Variants in CCDC179 observed in about 807,000 individuals in gnomAD.
CCDC179 encodes coiled-coil domain containing 179.
Under a neutral mutation model 12.0 loss-of-function variants are expected in CCDC179, and 17 were observed. That is an observed-to-expected ratio of 1.42 (90% confidence interval 0.97 to 2.13). The LOEUF (loss-of-function observed/expected upper bound fraction) is 2.13, where lower values mean the gene tolerates loss of function less well. Ranked by LOEUF, CCDC179 falls within the 30% of genes most tolerant of loss-of-function variation. CCDC179 has a pLI of 0.00. For missense variants in CCDC179, 83 were observed against 78.6 expected (o/e 1.06, Z -0.21); for synonymous variants, 27 against 26.4 (o/e 1.02, Z -0.07).
At chr11:22,851,203 A>G (rs1858394272) in intron 3 of CCDC179, among the ~76,000 whole-genome samples, 1 of 151,556 alleles carries the variant, frequency 6.6e-6, no homozygotes, top group South Asian at 2.1e-4. Flanking sequence ...TAGTTAAGGC[A>G]AAACAATAAC....
At chr11:22,851,086 C>T (rs534947117) in intron 3 of CCDC179, among the ~76,000 whole-genome samples, 32 of 145,386 alleles carry the variant, frequency 2.2e-4, no homozygotes, top group Non-Finnish European at 2.8e-4. Flanking sequence ...CCCAGGTTCA[C>T]GCCATTCTCC....
chr11:22,857,542 C>T (rs1858555770), intron 3 of CCDC179, among the ~76,000 whole-genome samples: 1 of 151,706 alleles, frequency 6.6e-6, no homozygotes, highest in South Asian at 2.1e-4. Context: ...ATGTAACATA[C>T]ACAACTGCAA....
At chr11:22,854,589 C>T (rs1195435145) in intron 3 of CCDC179, among the ~76,000 whole-genome samples, 10 of 151,674 alleles carry the variant, frequency 6.6e-5, no homozygotes. Context: ...AATTGACATG[C>T]TAAGACAGGA....
intron 3 of CCDC179, 70 bp downstream of exon 3, chr11:22,857,852 A>G: frequency 1.3e-6 from 1 of 742,442 alleles, no homozygotes; most frequent in Non-Finnish European, 2.0e-6. Flanking sequence ...AGTGAATATT[A>G]CATGAATTAA....
At chr11:22,860,232 T>C in intron 1 of CCDC179, 145 bp downstream of exon 1, 2 of 863,446 alleles carry the variant, frequency 2.3e-6, no homozygotes, top group Non-Finnish European at 3.5e-6. Flanking sequence ...ATGTAGTCTG[T>C]CTACATCACC....
intron 1 of CCDC179, among the ~76,000 whole-genome samples, chr11:22,859,707 C>T (rs148898221): frequency 0.029 from 4,447 of 151,992 alleles, 109 homozygotes; most frequent in Non-Finnish European, 0.042. Flanking sequence ...AAGATGGAGA[C>T]GATATTATGA....
At chr11:22,858,059 A>T in intron 2 of CCDC179, 33 bp from the exon 3 acceptor site, 4 of 1,352,828 alleles carry the variant, frequency 3.0e-6, no homozygotes, top group Non-Finnish European at 4.0e-6. Context: ...GAAAAATCAT[A>T]CTTTTTTGTA....
intron 3 of CCDC179, among the ~76,000 whole-genome samples, chr11:22,851,160 A>C (rs971763526): frequency 1.3e-5 from 2 of 150,762 alleles, no homozygotes; most frequent in Non-Finnish European, 3.0e-5. Flanking sequence ...GGTTATAAAC[A>C]CTGGTATATC....
chr11:22,849,641 G>T (rs1398600812), intron 3 of CCDC179, among the ~76,000 whole-genome samples: 2 of 152,082 alleles, frequency 1.3e-5, no homozygotes, highest in African/African-American at 2.4e-5. Flanking sequence ...TATACCCAAC[G>T]TATAGTCTTT....
rs184587181 is a variant in CCDC179 at position 22,856,034 on chromosome 11, A to T, written c.195+1888T>A. On this transcript the variant is annotated intron_variant, in intron 3 of 3. Transcript: ENST00000532798. ...CTATTTAAAAAATTAATTAATAATT[A>T]CCAATCTTTCAAAATAGAAAATACT... 7.9e-5 allele frequency among the ~76,000 whole-genome samples: 12 copies of T among 151,568 alleles called. No individual in the cohort carries two copies. The East Asian group carries it at 2.3e-3, about 29-fold the overall frequency.
chr11:22,848,357 T>C (rs1056345744), intron 3 of CCDC179, among the ~76,000 whole-genome samples: 1 of 152,000 alleles, frequency 6.6e-6, no homozygotes, highest in African/African-American at 2.4e-5. Flanking sequence ...GGCAGGAGAA[T>C]TGCTTGAGCC....
At chr11:22,857,701 G>A (rs1260564082) in intron 3 of CCDC179, among the ~76,000 whole-genome samples, 1 of 151,660 alleles carries the variant, frequency 6.6e-6, no homozygotes, top group African/African-American at 2.4e-5. Flanking sequence ...GAACAACCTG[G>A]TTTCAAAGAT....
At chr11:22,860,315 C>G in intron 1 of CCDC179, 62 bp downstream of exon 1, 1 of 1,511,092 alleles carries the variant, frequency 6.6e-7, no homozygotes, top group Non-Finnish European at 8.8e-7. Flanking sequence ...GCCACAGTGG[C>G]CTGGAGCTCA....
At chr11:22,850,964 A>T (rs1564915061) in intron 3 of CCDC179, among the ~76,000 whole-genome samples, 187 of 6,278 alleles carry the variant, frequency 0.03, 14 homozygotes, top group Non-Finnish European at 0.07. Context: ...ATATATATAT[A>T]TATATATATA....
intron 3 of CCDC179, 36 bp from the exon 4 acceptor site, chr11:22,847,557 T>A: frequency 8.6e-7 from 1 of 1,166,236 alleles, no homozygotes. Flanking sequence ...AATAAGAAAT[T>A]TAATTAAAAT....
At position 22,847,477 on chromosome 11, in the gene CCDC179, A is replaced by C; in HGVS notation, c.*33T>G. The C allele has an allele frequency of 7.2e-7, 1 of 1,393,178 alleles. No homozygotes were observed. Among genetic ancestry groups the C allele is most frequent in the Non-Finnish European group, 9.6e-7 (1 of 1,044,824 alleles). 86.3% of individuals were successfully genotyped at this position (1,393,178 alleles called of 1,614,324 possible). On this transcript the variant is annotated 3_prime_UTR_variant, in exon 4 of 4. Coordinates refer to ENST00000532798, the MANE Select transcript of CCDC179 (RefSeq NM_001195637.2). ...TCACAATCCACATATTTCTGTCTGG[A>C]GCATGGTTTCCTTCAAATAGACTCC...
At chr11:22,856,739 G>T (rs778266489) in intron 3 of CCDC179, among the ~76,000 whole-genome samples, 1 of 151,446 alleles carries the variant, frequency 6.6e-6, no homozygotes, top group African/African-American at 2.4e-5. Context: ...GTTCACAGAC[G>T]ACCTGACTAA....
chr11:22,851,376 C>A (rs1858401231), intron 3 of CCDC179, among the ~76,000 whole-genome samples: 1 of 152,044 alleles, frequency 6.6e-6, no homozygotes, highest in Non-Finnish European at 1.5e-5. Context: ...ATAATCCTCA[C>A]AGTCTGAAAA....
At chr11:22,850,396 A>G (rs906839056) in intron 3 of CCDC179, among the ~76,000 whole-genome samples, 2 of 152,176 alleles carry the variant, frequency 1.3e-5, no homozygotes, top group African/African-American at 4.8e-5. Flanking sequence ...ATGGTCTCCA[A>G]CTTCATCCAG....
Sources: allele counts gnomAD v4.1 joint callset (sites outside exome capture counted in the v4.1 genomes callset), GRCh38; gene constraint gnomAD v4.1.1; transcripts MANE v1.5; gene names NCBI Gene and HGNC (gene_info 2026-07-23, HGNC 2026-07-21).